VWC2L: variants seen among roughly 807,000 people sequenced by gnomAD.
The protein encoded by VWC2L is von Willebrand factor C domain-containing protein 2-like.
A neutral mutation model predicts 21.6 loss-of-function variants in VWC2L; 10 were observed. The ratio of observed to expected loss-of-function variants is 0.46; its 90% confidence interval spans 0.29 to 0.78. VWC2L has a LOEUF of 0.78. VWC2L is among the 30% of genes least tolerant of loss of function. The probability of loss-of-function intolerance (pLI) is 0.10; values close to 1 mark genes in which losing one functional copy is unlikely to be tolerated. For synonymous variants in VWC2L, 96 were observed against 94.3 expected (o/e 1.02, Z -0.10); for missense variants, 209 against 277.1 (o/e 0.75, Z 1.74).
intron 3 of VWC2L, among the ~76,000 whole-genome samples, chr2:214,570,553 TG>T (rs1690135386): frequency 6.6e-6 from 1 of 152,048 alleles, no homozygotes; most frequent in Non-Finnish European, 1.5e-5. Flanking sequence ...TTCATAGTGA[TG>T]GGGTTTTGCC....
At chr2:214,564,178 CAAAT>C (rs1421384255) in intron 3 of VWC2L, among the ~76,000 whole-genome samples, 1 of 152,116 alleles carries the variant, frequency 6.6e-6, no homozygotes. Context: ...AGGACACAAA[CAAAT>C]GAGAAAACAT....
chr2:214,435,341 A>C (rs1303245521), intron 2 of VWC2L, among the ~76,000 whole-genome samples: 1 of 152,214 alleles, frequency 6.6e-6, no homozygotes, highest in African/African-American at 2.4e-5. Flanking sequence ...GCCATTGATC[A>C]TGTTAACAAA....
At chr2:214,425,174 A>C (rs1702503052) in intron 2 of VWC2L, among the ~76,000 whole-genome samples, 1 of 152,206 alleles carries the variant, frequency 6.6e-6, no homozygotes, top group Non-Finnish European at 1.5e-5. Flanking sequence ...ATCCTTGCCT[A>C]ATCTGGAATC....
intron 3 of VWC2L, among the ~76,000 whole-genome samples, chr2:214,565,800 C>A (rs760472830): frequency 1.3e-5 from 2 of 152,226 alleles, no homozygotes; most frequent in Admixed American, 6.5e-5. Flanking sequence ...TATGTGAATT[C>A]ATTTGTTCCT....
At chr2:214,482,316 C>T (rs1003501297) in intron 3 of VWC2L, among the ~76,000 whole-genome samples, 2 of 152,052 alleles carry the variant, frequency 1.3e-5, no homozygotes, top group Admixed American at 6.6e-5. Flanking sequence ...AAGCAACAAG[C>T]TTCCTCCTAA....
intron 3 of VWC2L, among the ~76,000 whole-genome samples, chr2:214,549,071 C>T (rs897183293): frequency 2.0e-5 from 3 of 152,198 alleles, no homozygotes; most frequent in African/African-American, 4.8e-5. Flanking sequence ...AGACCACCTG[C>T]ATTACTCGGC....
At chr2:214,427,228 T>C (rs1702538206) in intron 2 of VWC2L, among the ~76,000 whole-genome samples, 1 of 152,178 alleles carries the variant, frequency 6.6e-6, no homozygotes, top group South Asian at 2.1e-4. Flanking sequence ...AACAAAATTG[T>C]TCAGTGTAAC....
rs776993758 is a variant in VWC2L, at chr2:214,436,684, T to C, written c.446T>C (p.Val149Ala). The C allele has an allele frequency of 3.1e-6, 5 of 1,613,360 alleles. No homozygotes were observed. The highest frequency in any genetic ancestry group is 4.2e-6 in the Non-Finnish European group (5 of 1,179,502). ...CEPSNEVHCV[V>A]ADCAVPECVN... ...CCCAGCAATGAAGTTCACTGTGTTG[T>C]AGCAGACTGCGCAGTTCCTGAGTGT... Residue 149 changes from valine to alanine, a missense_variant, in exon 3 of 4, where the codon GTA becomes GCA. Val to Ala is a moderately conservative substitution (Grantham distance 64). Coordinates refer to ENST00000312504, the MANE Select transcript of VWC2L (RefSeq NM_001080500.4).
At chr2:214,565,429 C>T (rs749154565) in intron 3 of VWC2L, among the ~76,000 whole-genome samples, 7 of 152,060 alleles carry the variant, frequency 4.6e-5, no homozygotes, top group Non-Finnish European at 8.8e-5. Flanking sequence ...TTAATGACTC[C>T]CTCCTCAGTC....
At chr2:214,540,995 T>C (rs1334705668) in intron 3 of VWC2L, among the ~76,000 whole-genome samples, 1 of 152,158 alleles carries the variant, frequency 6.6e-6, no homozygotes, top group Non-Finnish European at 1.5e-5. Flanking sequence ...AGGTGCACTT[T>C]TTTTCTTGAG....
intron 3 of VWC2L, among the ~76,000 whole-genome samples, chr2:214,529,733 G>A (rs1216556349): frequency 6.6e-6 from 1 of 151,502 alleles, no homozygotes; most frequent in Non-Finnish European, 1.5e-5. Context: ...TTATTGCATC[G>A]ATTCTACACA....
chr2:214,544,534 C>T lies in VWC2L; in HGVS notation c.521-31138C>T, dbSNP rs796229232. ...GAACATTGTAGCCTAAGGACTGGTA[C>T]GCTTGTTACTCCCTGATATAGGATG... On this transcript the variant is annotated intron_variant, in intron 3 of 3. Coordinates refer to ENST00000312504, the MANE Select transcript of VWC2L (RefSeq NM_001080500.4). Among the ~76,000 whole-genome samples the T allele has an allele frequency of 7.2e-5, 11 of 152,148 alleles. 1 individual carries two copies. The highest frequency in any genetic ancestry group is 2.2e-4 in the African/African-American group (9 of 41,498).
intron 2 of VWC2L, among the ~76,000 whole-genome samples, chr2:214,418,409 A>C (rs761222670): frequency 3.3e-4 from 50 of 152,322 alleles, no homozygotes; most frequent in Non-Finnish European, 5.6e-4. Context: ...GTAGGACTCC[A>C]AGCCAGGCAG....
At chr2:214,412,828 A>G (rs568022507) in intron 1 of VWC2L, among the ~76,000 whole-genome samples, 28 of 152,242 alleles carry the variant, frequency 1.8e-4, no homozygotes, top group African/African-American at 6.3e-4. Flanking sequence ...CTGAAAATAA[A>G]CCAATGTATA....
intron 3 of VWC2L, among the ~76,000 whole-genome samples, chr2:214,504,584 G>A (rs758301486): frequency 2.6e-5 from 4 of 152,154 alleles, no homozygotes; most frequent in Non-Finnish European, 2.9e-5. Context: ...ATTTGTTAGG[G>A]GGCAGGGTCT....
intron 3 of VWC2L, among the ~76,000 whole-genome samples, chr2:214,514,011 T>A (rs1689099901): frequency 6.6e-6 from 1 of 152,098 alleles, no homozygotes; most frequent in African/African-American, 2.4e-5. Flanking sequence ...GGAGCAAGTA[T>A]CTTTGGCTTG....
intron 3 of VWC2L, among the ~76,000 whole-genome samples, chr2:214,458,648 A>C (rs534602043): frequency 6.6e-6 from 1 of 151,838 alleles, no homozygotes; most frequent in East Asian, 1.9e-4. Context: ...CCATTTGAGA[A>C]TTTTTTCAGT....
chr2:214,540,533 T>A (rs1034856271), intron 3 of VWC2L, among the ~76,000 whole-genome samples: 4 of 152,174 alleles, frequency 2.6e-5, no homozygotes, highest in Admixed American at 2.6e-4. Flanking sequence ...ACCAAGGAGT[T>A]GATATCTTTA....
chr2:214,484,532 C>A (rs1456719863), intron 3 of VWC2L, among the ~76,000 whole-genome samples: 1 of 152,130 alleles, frequency 6.6e-6, no homozygotes, highest in Non-Finnish European at 1.5e-5. Context: ...ACTTACCACC[C>A]AGCTGGCTGA....
Sources: gnomAD v4.1 joint callset for allele counts (sites outside exome capture counted in the v4.1 genomes callset) on GRCh38, gnomAD v4.1.1 for gene constraint, MANE v1.5 for transcripts, NCBI Gene and HGNC (gene_info 2026-07-23, HGNC 2026-07-21) for gene names.